Variants in RBKS observed in about 807,000 individuals in gnomAD.
The protein encoded by RBKS is ribokinase.
A neutral mutation model predicts 33.9 loss-of-function variants in RBKS; 33 were observed. The ratio of observed to expected loss-of-function variants is 0.97; its 90% CI spans 0.74 to 1.30. The LOEUF is 1.30. RBKS is among the 50% of genes most tolerant of loss of function. RBKS has a pLI of 0.00. For missense variants in RBKS, 361 were observed against 392.6 expected (o/e 0.92, Z 0.68); for synonymous variants, 125 against 143.0 (o/e 0.87, Z 0.90).
At chr2:27,825,230 T>C (rs1174304709) in intron 7 of RBKS, among the ~76,000 whole-genome samples, 1 of 152,186 alleles carries the variant, frequency 6.6e-6, no homozygotes, top group Admixed American at 6.5e-5. Context: ...CATGTGCAAA[T>C]GCACACTCAC....
intron 1 of RBKS, among the ~76,000 whole-genome samples, chr2:27,865,801 C>G (rs1664088560): frequency 6.6e-6 from 1 of 152,068 alleles, no homozygotes; most frequent in Non-Finnish European, 1.5e-5. Flanking sequence ...TCAAACAGTA[C>G]CATACCACTT....
At chr2:27,808,490 C>A (rs1182770006) in intron 7 of RBKS, among the ~76,000 whole-genome samples, 1 of 152,212 alleles carries the variant, frequency 6.6e-6, no homozygotes, top group Non-Finnish European at 1.5e-5. Flanking sequence ...AGTCTTCACA[C>A]AGGTTGAGGT....
intron 1 of RBKS, among the ~76,000 whole-genome samples, chr2:27,880,164 G>T (rs1478389637): frequency 6.6e-6 from 1 of 152,094 alleles, no homozygotes; most frequent in Non-Finnish European, 1.5e-5. Context: ...CAGAACTAAA[G>T]GCAAAAGCCA....
rs1677426624 is a variant in RBKS at position 27,787,448 on chromosome 2, CAAAT to C, written c.796-5664_796-5661del. Among the ~76,000 whole-genome samples the C allele has an allele frequency of 2.6e-5, 4 of 152,074 alleles. No individual in the cohort carries two copies. The South Asian group carries it at 8.3e-4, about 32-fold the overall frequency. ...ATCCTGTCCAAACAAACAAATAAAA[CAAAT>C]AAATAGCCAGGGTCTTCCCATGGTC... On this transcript the variant is annotated intron_variant, in intron 7 of 7. Coordinates refer to ENST00000302188, the MANE Select transcript of RBKS (RefSeq NM_022128.3).
intron 5 of RBKS, among the ~76,000 whole-genome samples, chr2:27,838,814 A>G (rs960161091): frequency 6.6e-6 from 1 of 152,244 alleles, no homozygotes; most frequent in African/African-American, 2.4e-5. Context: ...AGCACCCAAC[A>G]GTAATTATTA....
chr2:27,883,152 GGACTAA>G (rs1369916199), intron 1 of RBKS, among the ~76,000 whole-genome samples: 25 of 151,754 alleles, frequency 1.6e-4, no homozygotes, highest in Admixed American at 1.6e-3. Flanking sequence ...AGCACAAAAG[GGACTAA>G]GACAAGACAA....
intron 2 of RBKS, among the ~76,000 whole-genome samples, chr2:27,853,908 A>T (rs1021827288): frequency 6.6e-6 from 1 of 152,224 alleles, no homozygotes; most frequent in Non-Finnish European, 1.5e-5. Context: ...TCAGGAAAGG[A>T]CAGATTTCAC....
intron 7 of RBKS, among the ~76,000 whole-genome samples, chr2:27,806,485 A>C (rs1344130089): frequency 6.6e-6 from 1 of 152,164 alleles, no homozygotes; most frequent in Non-Finnish European, 1.5e-5. Flanking sequence ...GATGTGATTA[A>C]ATTTGAATTT....
intron 7 of RBKS, among the ~76,000 whole-genome samples, chr2:27,797,495 C>G (rs1677686530): frequency 6.6e-6 from 1 of 152,188 alleles, no homozygotes; most frequent in Admixed American, 6.5e-5. Flanking sequence ...GTCATCTGTG[C>G]AGGAATTCAG....
intron 7 of RBKS, among the ~76,000 whole-genome samples, chr2:27,786,846 T>C (rs1677415329): frequency 6.6e-6 from 1 of 150,736 alleles, no homozygotes; most frequent in South Asian, 2.1e-4. Context: ...ACTCTTAAAA[T>C]CACTTAAATT....
intron 1 of RBKS, among the ~76,000 whole-genome samples, chr2:27,874,504 C>T (rs1340348675): frequency 1.3e-5 from 2 of 152,208 alleles, no homozygotes; most frequent in Non-Finnish European, 2.9e-5. Flanking sequence ...TGACACAACA[C>T]GTCGTCAAGA....
intron 7 of RBKS, among the ~76,000 whole-genome samples, chr2:27,805,148 T>C (rs1228478370): frequency 1.3e-5 from 2 of 152,194 alleles, no homozygotes; most frequent in African/African-American, 4.8e-5. Context: ...ACTGGAAGAA[T>C]TGTCTTGGGC....
intron 6 of RBKS, among the ~76,000 whole-genome samples, chr2:27,832,039 TTA>T (rs1180024232): frequency 6.6e-6 from 1 of 152,228 alleles, no homozygotes; most frequent in Non-Finnish European, 1.5e-5. Context: ...GCTGTCTGGC[TTA>T]TAAAAAGGGA....
intron 7 of RBKS, among the ~76,000 whole-genome samples, chr2:27,802,380 A>G (rs1677812691): frequency 1.3e-5 from 2 of 151,724 alleles, no homozygotes; most frequent in South Asian, 4.2e-4. Flanking sequence ...TTTTCAGTTT[A>G]CGGTTGGTTT....
At chr2:27,809,916 T>A in intron 7 of RBKS, 1 of 1,301,916 alleles carries the variant, frequency 7.7e-7, no homozygotes, top group South Asian at 1.2e-5. Context: ...TTATATTCAT[T>A]TTTGCTCGAG....
intron 1 of RBKS, among the ~76,000 whole-genome samples, chr2:27,875,958 G>C (rs1302901994): frequency 6.6e-6 from 1 of 152,168 alleles, no homozygotes; most frequent in Non-Finnish European, 1.5e-5. Flanking sequence ...AAAAAAAATA[G>C]GCTAAACTGA....
At chr2:27,865,047 G>A (rs555109450) in intron 1 of RBKS, among the ~76,000 whole-genome samples, 1 of 152,158 alleles carries the variant, frequency 6.6e-6, no homozygotes, top group Non-Finnish European at 1.5e-5. Flanking sequence ...TAGGCCGGGC[G>A]CGACGGCTCA....
chr2:27,796,570 GC>G (rs1254267395), intron 7 of RBKS, among the ~76,000 whole-genome samples: 1 of 152,148 alleles, frequency 6.6e-6, no homozygotes, highest in Admixed American at 6.5e-5. Flanking sequence ...TTCTAGTGGT[GC>G]CCATTGAGGA....
At chr2:27,880,747 T>C (rs1664402499) in intron 1 of RBKS, among the ~76,000 whole-genome samples, 1 of 152,042 alleles carries the variant, frequency 6.6e-6, no homozygotes, top group Non-Finnish European at 1.5e-5. Flanking sequence ...TACAAAATAT[T>C]GATTGAAGAA....
Sources: allele counts gnomAD v4.1 joint callset (sites outside exome capture counted in the v4.1 genomes callset), GRCh38; gene constraint gnomAD v4.1.1; transcripts MANE v1.5; gene names NCBI Gene and HGNC (gene_info 2026-07-23, HGNC 2026-07-21).